Variants in PTPRM observed in about 807,000 individuals in gnomAD.
The protein encoded by PTPRM is protein tyrosine phosphatase receptor type M.
Under a neutral mutation model 186.7 loss-of-function variants are expected in PTPRM, and 47 were observed. The observed-to-expected ratio is 0.25, with a 90% confidence interval of 0.20 to 0.32. PTPRM has a LOEUF of 0.32. Ranked by LOEUF, PTPRM falls within the 10% of genes least tolerant of loss-of-function variation. The pLI is 1.00. For synonymous variants in PTPRM, 668 were observed against 674.9 expected (o/e 0.99, Z 0.16); for missense variants, 1,494 against 1,865.0 (o/e 0.80, Z 3.66).
At chr18:8,210,329 T>C (rs4797308) in intron 14 of PTPRM, among the ~76,000 whole-genome samples, 40,783 of 149,780 alleles carry the variant, frequency 0.27, 5,643 homozygotes, top group Middle Eastern at 0.5. Context: ...GGGTTGGGGG[T>C]GGGGTGGAAA....
chr18:8,076,612 C>G lies in PTPRM; in HGVS notation c.1551+48C>G, dbSNP rs1241665831. ...ATTTTTAATTAGAAATACTCATGAT[C>G]ATGATAATGTAGGCTATCTAGTATT... On this transcript the variant is annotated intron_variant, in intron 9 of 32. Coordinates refer to ENST00000580170, the MANE Select transcript of PTPRM (RefSeq NM_001105244.2). The G allele has an allele frequency of 4.1e-6, 4 of 983,046 alleles. No homozygotes were observed. In the African/African-American group the frequency reaches 4.9e-5, roughly 12 times the overall value. The allele number at this position is 983,046 out of a possible 1,614,324, so 60.9% of individuals were successfully genotyped here.
intron 19 of PTPRM, among the ~76,000 whole-genome samples, chr18:8,293,191 C>G (rs1184150580): frequency 6.6e-6 from 1 of 152,130 alleles, no homozygotes; most frequent in Admixed American, 6.5e-5. Flanking sequence ...CTGTAGTGCT[C>G]AAATGCAGTA....
intron 14 of PTPRM, among the ~76,000 whole-genome samples, chr18:8,238,589 C>T (rs773655991): frequency 3.3e-5 from 5 of 150,470 alleles, no homozygotes; most frequent in East Asian, 3.9e-4. Context: ...TTAATTCCAA[C>T]GCCTCTGCCA....
chr18:7,715,272 T>C (rs924338929), intron 1 of PTPRM, among the ~76,000 whole-genome samples: 3 of 152,162 alleles, frequency 2.0e-5, no homozygotes, highest in African/African-American at 7.2e-5. Context: ...ATTATGTCAA[T>C]AGATCCAGAA....
intron 21 of PTPRM, among the ~76,000 whole-genome samples, chr18:8,317,013 G>A (rs1390635002): frequency 6.6e-6 from 1 of 152,188 alleles, no homozygotes; most frequent in African/African-American, 2.4e-5. Flanking sequence ...CCATGATATG[G>A]GGAGAGGTCA....
At chr18:7,984,572 C>CATATATATATATATATATAT (rs71354583) in intron 7 of PTPRM, among the ~76,000 whole-genome samples, 9 of 88,654 alleles carry the variant, frequency 1.0e-4, no homozygotes, top group South Asian at 3.5e-4. Flanking sequence ...ATATATGCCC[C>CATATATATATATATATATAT]ATATATATAT....
Position 7,919,658 on chromosome 18 carries a change from A to G in PTPRM, c.548-6910A>G, listed in dbSNP as rs186409609. On this transcript the variant is annotated intron_variant, in intron 4 of 32. Coordinates refer to ENST00000580170, the MANE Select transcript of PTPRM (RefSeq NM_001105244.2). ...TATGTTCTGTTCTGGATAATTTTGT[A>G]TGTACTAATGAAAAGAAAGTGTATT... Among the ~76,000 whole-genome samples, 42 of 152,210 alleles carry G rather than the reference A, an allele frequency of 2.8e-4. No homozygotes were observed. In the East Asian group the frequency reaches 7.9e-3, roughly 29 times the overall value.
chr18:7,954,968 C>T (rs2053216706), intron 6 of PTPRM, among the ~76,000 whole-genome samples, 153 bp from the exon 7 acceptor site: 1 of 152,196 alleles, frequency 6.6e-6, no homozygotes, highest in Non-Finnish European at 1.5e-5. Context: ...TCTTTTTCAA[C>T]ATACTTTTTC....
intron 7 of PTPRM, among the ~76,000 whole-genome samples, chr18:8,031,339 G>A (rs2085956136): frequency 1.3e-5 from 2 of 152,160 alleles, no homozygotes; most frequent in African/African-American, 4.8e-5. Context: ...TGGCTAGTGG[G>A]TGGAAAATCA....
intron 1 of PTPRM, among the ~76,000 whole-genome samples, chr18:7,717,071 A>G (rs1165842663): frequency 1.3e-5 from 2 of 152,224 alleles, no homozygotes; most frequent in African/African-American, 4.8e-5. Flanking sequence ...ACCAACCCAA[A>G]TGCCCATCAG....
chr18:8,085,914 A>T lies in PTPRM; in HGVS notation c.1753+42A>T, dbSNP rs1248547585. The T allele has an allele frequency of 1.9e-6, 3 of 1,575,724 alleles. No homozygotes were observed. In the African/African-American group the frequency reaches 4.1e-5, roughly 21 times the overall value. ...AGTTGTGTCTTTTATCAGAAGTAAC[A>T]TTTTTGTCCGTTTTCATTCCCATTG... On this transcript the variant is annotated intron_variant, in intron 10 of 32. Transcript: ENST00000580170.
At chr18:8,294,181 G>A (rs7504280) in intron 19 of PTPRM, among the ~76,000 whole-genome samples, 104,626 of 152,124 alleles carry the variant, frequency 0.69, 37,235 homozygotes, top group African/African-American at 0.86. Flanking sequence ...GAACCCAGGA[G>A]GCAGAGGTTG....
At chr18:7,828,884 T>G (rs2045623044) in intron 2 of PTPRM, among the ~76,000 whole-genome samples, 1 of 152,136 alleles carries the variant, frequency 6.6e-6, no homozygotes. Flanking sequence ...GATAAAAACG[T>G]TTACACAAAT....
chr18:8,206,268 A>ATTTTATTTTATTTTTTTTTTTT (rs1238112461), intron 14 of PTPRM, among the ~76,000 whole-genome samples: 2 of 148,988 alleles, frequency 1.3e-5, no homozygotes, highest in African/African-American at 5.2e-5. Flanking sequence ...ATTTTATTTT[A>ATTTTATTTTATTTTTTTTTTTT]TTTTGAGACG....
chr18:8,320,618 A>C (rs2148074635), intron 22 of PTPRM, among the ~76,000 whole-genome samples: 1 of 152,308 alleles, frequency 6.6e-6, no homozygotes, highest in East Asian at 1.9e-4. Context: ...TGGACAGCAA[A>C]GCTTTGGGGT....
chr18:8,123,833 C>G (rs993230449), intron 13 of PTPRM, among the ~76,000 whole-genome samples: 3 of 152,172 alleles, frequency 2.0e-5, no homozygotes, highest in Non-Finnish European at 4.4e-5. Context: ...GAGCTGGCCC[C>G]AGACTCATCA....
chr18:7,568,519 G>T lies in PTPRM; in HGVS notation c.73+628G>T, dbSNP rs576570550. Among the ~76,000 whole-genome samples the T allele has an allele frequency of 3.3e-5, 5 of 152,238 alleles. No individual in the cohort carries two copies. The highest frequency in any genetic ancestry group is 3.4e-3 in the Middle Eastern group (1 of 292). On this transcript the variant is annotated intron_variant, in intron 1 of 32. Transcript: ENST00000580170. This position sits in a 1 kb window ranked among gnomAD's most constrained non-coding sequence, Gnocchi z 5.1. ...GTTCCTCGCCGGTCCCAGCGGTAGG[G>T]CTTGGCGGCCGCGGAGGGAAGCGGG...
At chr18:7,891,320 A>T (rs774542281) in intron 3 of PTPRM, among the ~76,000 whole-genome samples, 1 of 150,776 alleles carries the variant, frequency 6.6e-6, no homozygotes, top group Non-Finnish European at 1.5e-5. Flanking sequence ...AAAAGAAAGC[A>T]GAATCTCTCT....
intron 1 of PTPRM, among the ~76,000 whole-genome samples, chr18:7,647,277 G>T (rs775523981): frequency 2.0e-5 from 3 of 152,052 alleles, no homozygotes; most frequent in Non-Finnish European, 2.9e-5. Context: ...ATCTCACAAG[G>T]GCAAATTCAG....
Sources: gnomAD v4.1 joint callset for allele counts (sites outside exome capture counted in the v4.1 genomes callset) on GRCh38, gnomAD v4.1.1 for gene constraint, Gnocchi (gnomAD v3.1) non-coding constraint, MANE v1.5 for transcripts, NCBI Gene and HGNC (gene_info 2026-07-23, HGNC 2026-07-21) for gene names.